Variants in BCKDHB observed in about 807,000 individuals in gnomAD.
BCKDHB encodes the protein branched chain keto acid dehydrogenase E1 subunit beta, also known as 2-oxoisovalerate dehydrogenase subunit beta, mitochondrial.
In BCKDHB, 41 loss-of-function variants were observed where a neutral mutation model predicts 48.5. The observed-to-expected ratio is 0.85, with a 90% CI of 0.66 to 1.10. The LOEUF is 1.10. Ranked by LOEUF, BCKDHB falls within the 50% of genes least tolerant of loss-of-function variation. The pLI, the probability that BCKDHB is intolerant of heterozygous loss-of-function variation, is 0.00. For synonymous variants in BCKDHB, 201 were observed against 174.8 expected, an observed-to-expected ratio of 1.15 and a Z score of -1.18; for missense variants, 496 against 494.2, an observed-to-expected ratio of 1.00 and a Z score of -0.03.
chr6:80,241,172 G>C (rs547936762), intron 8 of BCKDHB, among the ~76,000 whole-genome samples: 66 of 152,154 alleles, frequency 4.3e-4, no homozygotes, highest in Admixed American at 2.5e-3. Context: ...CAAGGTTTTA[G>C]CTTCCTTGCG....
intron 9 of BCKDHB, among the ~76,000 whole-genome samples, chr6:80,319,813 TTAAA>T (rs1321150772): frequency 3.3e-5 from 5 of 152,206 alleles, no homozygotes; most frequent in African/African-American, 9.7e-5. Flanking sequence ...AATTATAATC[TTAAA>T]TAAAAGTGAA....
the BCKDHB span, among the ~76,000 whole-genome samples, chr6:80,392,176 T>C: frequency 8.5e-5 from 13 of 152,136 alleles, no homozygotes; most frequent in South Asian, 2.1e-4. Context: ...TAATTTTTGG[T>C]AGAGGCAGGG....
the BCKDHB span, among the ~76,000 whole-genome samples, chr6:80,400,548 A>C: frequency 8.5e-4 from 130 of 152,228 alleles, 1 homozygote; most frequent in African/African-American, 3.1e-3. Context: ...CAGAATGGCT[A>C]TTAGTAAAAA....
chr6:80,226,656 C>G (rs1228989798), intron 8 of BCKDHB, among the ~76,000 whole-genome samples: 1 of 152,186 alleles, frequency 6.6e-6, no homozygotes, highest in Non-Finnish European at 1.5e-5. Context: ...CAATAAGAAG[C>G]TGAATTTTCT....
chr6:80,407,018 G>C, the BCKDHB span, among the ~76,000 whole-genome samples: 1 of 152,124 alleles, frequency 6.6e-6, no homozygotes, highest in Non-Finnish European at 1.5e-5. Flanking sequence ...AATCCATCTT[G>C]AGTTAATTTT....
rs58750626 is a variant in BCKDHB at position 80,336,562 on chromosome 6, A to AT, written c.1039-7093dup. ...ATTTGCATTAAGGAGGAAGAGATGG[A>AT]TTTTTTTTTAAGTCAGCAGGCATTG... is the stretch of plus-strand genomic sequence containing the variant. On this transcript the variant is annotated intron_variant, in intron 9 of 9. Transcript: ENST00000320393. 3.5e-3 allele frequency among the ~76,000 whole-genome samples: 525 copies of AT among 151,132 alleles called. 8 individuals carry two copies. In the East Asian group the frequency reaches 0.054, roughly 15 times the overall value.
At position 80,280,472 on chromosome 6, in the gene BCKDHB, C is replaced by G. The variant is rs571643102; in HGVS notation, c.1038+7251C>G. Among the ~76,000 whole-genome samples, 6 of 152,086 alleles carry G rather than the reference C, an allele frequency of 3.9e-5. No homozygotes were observed. The East Asian group carries it at 1.2e-3, about 29-fold the overall frequency. ...ACAGACTGCAAAACAACATTTTGGT[C>G]AACAATGGACCACATAGAAGATGTT... is the stretch of plus-strand genomic sequence containing the variant. On this transcript the variant is annotated intron_variant, in intron 9 of 9. Coordinates refer to ENST00000320393, the MANE Select transcript of BCKDHB (RefSeq NM_183050.4).
chr6:80,203,076 T>C (rs770149680), intron 7 of BCKDHB, 26 bp from the exon 8 acceptor site: 3 of 1,497,536 alleles, frequency 2.0e-6, no homozygotes, highest in Non-Finnish European at 2.8e-6. Context: ...GTAGTCATTC[T>C]CTGCATATTT....
chr6:80,315,212 T>A (rs1768379354), intron 9 of BCKDHB, among the ~76,000 whole-genome samples: 1 of 152,192 alleles, frequency 6.6e-6, no homozygotes, highest in Non-Finnish European at 1.5e-5. Flanking sequence ...TCTGGGTCTC[T>A]GTGCTGCCTG....
At chr6:80,150,148 G>A (rs1366322590) in intron 3 of BCKDHB, among the ~76,000 whole-genome samples, 1 of 151,958 alleles carries the variant, frequency 6.6e-6, no homozygotes, top group Non-Finnish European at 1.5e-5. Flanking sequence ...CCCTCAGAAG[G>A]CCCTCTCTTT....
chr6:80,138,781 A>G (rs955796750), intron 3 of BCKDHB, among the ~76,000 whole-genome samples: 2 of 152,176 alleles, frequency 1.3e-5, no homozygotes, highest in African/African-American at 2.4e-5. Flanking sequence ...ATGTGTCTTT[A>G]TAGCAGCATG....
At chr6:80,163,311 CTT>C (rs34383985) in intron 3 of BCKDHB, among the ~76,000 whole-genome samples, 10,103 of 138,078 alleles carry the variant, frequency 0.073, 411 homozygotes, top group South Asian at 0.11. Context: ...TGCAATTAAG[CTT>C]TTTTTTTTTT....
the BCKDHB span, among the ~76,000 whole-genome samples, chr6:80,461,764 C>T: frequency 1.3e-5 from 2 of 152,048 alleles, no homozygotes; most frequent in Non-Finnish European, 2.9e-5. Context: ...TTCCTTCTTC[C>T]TGGAATAATC....
intron 8 of BCKDHB, among the ~76,000 whole-genome samples, chr6:80,252,884 T>C (rs957211779): frequency 2.0e-5 from 3 of 152,138 alleles, no homozygotes; most frequent in East Asian, 3.9e-4. Context: ...AAGTTCTGTA[T>C]AGTCTAGATT....
chr6:80,404,166 T>C, the BCKDHB span, among the ~76,000 whole-genome samples: 2 of 152,034 alleles, frequency 1.3e-5, no homozygotes, highest in South Asian at 2.1e-4. Context: ...AGTCTTTAAA[T>C]GTTGTTAGAA....
chr6:80,241,783 C>T (rs1463170270), intron 8 of BCKDHB, among the ~76,000 whole-genome samples: 1 of 152,128 alleles, frequency 6.6e-6, no homozygotes, highest in East Asian at 1.9e-4. Context: ...GTGAGATGTC[C>T]TGTTGTGATC....
At chr6:80,246,678 CTGGCTTACAGAATCCAAAA>C (rs1776630459) in intron 8 of BCKDHB, among the ~76,000 whole-genome samples, 1 of 152,212 alleles carries the variant, frequency 6.6e-6, no homozygotes, top group African/African-American at 2.4e-5. Context: ...CTACCCAACA[CTGGCTTACAGAATCCAAAA>C]TGGCTCTCCC....
chr6:80,230,708 T>C lies in BCKDHB; in HGVS notation c.951+27496T>C, dbSNP rs527244633. 2.5e-3 allele frequency among the ~76,000 whole-genome samples: 382 copies of C among 152,286 alleles called. 1 individual carries two copies. Among genetic ancestry groups the C allele is most frequent in the Non-Finnish European group, 4.6e-3 (312 of 68,014 alleles). ...GTTCTGGAGGCTAGGATGTCTAAGG[T>C]TGAGGTGCCTGCATCTGGCAAGGAC... On this transcript the variant is annotated intron_variant, in intron 8 of 9. Coordinates refer to ENST00000320393, the MANE Select transcript of BCKDHB (RefSeq NM_183050.4).
the BCKDHB span, among the ~76,000 whole-genome samples, chr6:80,369,373 G>A: frequency 6.6e-6 from 1 of 152,080 alleles, no homozygotes; most frequent in Non-Finnish European, 1.5e-5. Context: ...CGCATTTCCA[G>A]TTTAGACTGG....
Sources: gnomAD v4.1 joint callset for allele counts (sites outside exome capture counted in the v4.1 genomes callset) on GRCh38, gnomAD v4.1.1 for gene constraint, MANE v1.5 for transcripts, NCBI Gene and HGNC (gene_info 2026-07-23, HGNC 2026-07-21) for gene names.